DDR2: variants seen among roughly 807,000 people sequenced by gnomAD.
DDR2 encodes discoidin domain receptor tyrosine kinase 2.
DDR2 carries 27 observed loss-of-function variants against 94.9 expected under a neutral mutation model. The ratio of observed to expected loss-of-function variants is 0.28; its 90% CI spans 0.21 to 0.39. The LOEUF (loss-of-function observed/expected upper bound fraction) is 0.39. Among genes scored for constraint, DDR2 ranks in the 10% least tolerant of loss-of-function variants. The probability of loss-of-function intolerance (pLI) is 1.00; values close to 1 mark genes in which losing one functional copy is unlikely to be tolerated. For synonymous variants in DDR2, 382 were observed against 377.2 expected, an observed-to-expected ratio of 1.01 and a Z score of -0.15; for missense variants, 783 against 1,076.0, an observed-to-expected ratio of 0.73 and a Z score of 3.81.
intron 14 of DDR2, among the ~76,000 whole-genome samples, chr1:162,774,132 C>T (rs1647392211): frequency 6.6e-6 from 1 of 152,170 alleles, no homozygotes; most frequent in Admixed American, 6.5e-5. Context: ...CAAAAGGATC[C>T]ACAGTTCTCT....
At position 162,654,346 on chromosome 1, in the gene DDR2, C is replaced by T. The variant is rs185831887; in HGVS notation, c.-191-865C>T. Among the ~76,000 whole-genome samples, 10 of 151,760 alleles carry T rather than the reference C, an allele frequency of 6.6e-5. No homozygotes were observed. The East Asian group carries it at 1.4e-3, about 21-fold the overall frequency. ...CTGTAGTCCTAGCTACTTAAAAGGC[C>T]GAGGCAAAAGGATCACTTGAGCCTG... On this transcript the variant is annotated intron_variant, in intron 1 of 17. Coordinates refer to ENST00000367921, the MANE Select transcript of DDR2 (RefSeq NM_006182.4).
chr1:162,710,022 G>A lies in DDR2; in HGVS notation c.-27-9015G>A, dbSNP rs111286474. ...GTACAGTACAGACAGGAAACTAGGT[G>A]AATGAAGTAATGCAGTCAATGTTCT... On this transcript the variant is annotated intron_variant, in intron 2 of 17. Transcript: ENST00000367921. Among the ~76,000 whole-genome samples the A allele has an allele frequency of 7.0e-3, 1,061 of 152,310 alleles. 14 individuals carry two copies. Among genetic ancestry groups the A allele is most frequent in the African/African-American group, 0.024 (1,018 of 41,566 alleles).
At chr1:162,712,613 A>C (rs572995983) in intron 2 of DDR2, among the ~76,000 whole-genome samples, 1 of 152,218 alleles carries the variant, frequency 6.6e-6, no homozygotes, top group South Asian at 2.1e-4. Flanking sequence ...AGATCTGGGA[A>C]GTCCTGAGCC....
At chr1:162,649,014 G>C (rs555686051) in intron 1 of DDR2, among the ~76,000 whole-genome samples, 16 of 152,114 alleles carry the variant, frequency 1.1e-4, no homozygotes, top group African/African-American at 3.9e-4. Context: ...TTATCCCATA[G>C]TGAGGACCAC....
chr1:162,634,716 T>C (rs1440985086), intron 1 of DDR2, among the ~76,000 whole-genome samples: 3 of 152,228 alleles, frequency 2.0e-5, no homozygotes, highest in African/African-American at 2.4e-5. Flanking sequence ...ATATGATTCC[T>C]TGCCCAAAGC....
intron 1 of DDR2, among the ~76,000 whole-genome samples, 156 bp downstream of exon 1, chr1:162,632,787 A>G (rs898102182): frequency 5.5e-4 from 84 of 152,196 alleles, no homozygotes; most frequent in Non-Finnish European, 2.2e-4. Context: ...GGCACCACAG[A>G]CTCGAGAAAT....
intron 9 of DDR2, among the ~76,000 whole-genome samples, chr1:162,764,905 T>A (rs1663920614): frequency 6.6e-6 from 1 of 151,436 alleles, no homozygotes; most frequent in East Asian, 1.9e-4. Flanking sequence ...GGGAAAAAAA[T>A]TTCAAGATGG....
chr1:162,758,963 A>C (rs1663586888), intron 7 of DDR2, among the ~76,000 whole-genome samples: 1 of 152,154 alleles, frequency 6.6e-6, no homozygotes, highest in Admixed American at 6.5e-5. Flanking sequence ...TTCTCTAAGT[A>C]GTCAAATAAG....
rs1453281275 is a variant in DDR2, at chr1:162,787,166, T to C, written c.*6920T>C. On this transcript the variant is annotated 3_prime_UTR_variant, in exon 18 of 18. Coordinates refer to ENST00000367921, the MANE Select transcript of DDR2 (RefSeq NM_006182.4). ...ATTTTTCAGCATGGGGTATGGTAGA[T>C]AAATCACAGGGCCAAGGTTTGGCAG... is the stretch of plus-strand genomic sequence containing the variant. The C allele has an allele frequency of 6.6e-6, 1 of 152,166 alleles. No individual in the cohort carries two copies. The highest frequency in any genetic ancestry group is 2.4e-5 in the African/African-American group (1 of 41,432). 9.4% of individuals were successfully genotyped at this position (152,166 alleles called of 1,614,324 possible).
chr1:162,691,645 T>C (rs1272171045), intron 2 of DDR2, among the ~76,000 whole-genome samples: 2 of 152,226 alleles, frequency 1.3e-5, no homozygotes, highest in African/African-American at 4.8e-5. Context: ...TACCCTGATT[T>C]GTACCTTTTG....
At chr1:162,659,122 T>C (rs1317594927) in intron 2 of DDR2, among the ~76,000 whole-genome samples, 2 of 152,186 alleles carry the variant, frequency 1.3e-5, no homozygotes, top group Non-Finnish European at 2.9e-5. Context: ...TGGAAGTATT[T>C]TGAAGGGATA....
intron 2 of DDR2, among the ~76,000 whole-genome samples, chr1:162,672,988 A>G (rs575196860): frequency 6.6e-6 from 1 of 152,322 alleles, no homozygotes; most frequent in East Asian, 1.9e-4. Context: ...ACAGAGTATA[A>G]TTAAGATTTT....
chr1:162,693,161 G>A (rs1660032702), intron 2 of DDR2, among the ~76,000 whole-genome samples: 1 of 152,156 alleles, frequency 6.6e-6, no homozygotes, highest in African/African-American at 2.4e-5. Flanking sequence ...ATACCTTTGG[G>A]GAAGAGCAAG....
intron 2 of DDR2, among the ~76,000 whole-genome samples, chr1:162,716,117 G>A (rs10494375): frequency 0.79 from 119,878 of 152,134 alleles, 48,776 homozygotes; most frequent in Non-Finnish European, 0.9. Context: ...GAAGGATCCA[G>A]TAGAGTTAAA....
intron 7 of DDR2, among the ~76,000 whole-genome samples, 198 bp from the exon 8 acceptor site, chr1:162,759,598 A>T (rs373419159): frequency 5.3e-5 from 8 of 152,350 alleles, no homozygotes; most frequent in African/African-American, 1.9e-4. Context: ...TACTAATATG[A>T]AATTCTTAGT....
intron 3 of DDR2, among the ~76,000 whole-genome samples, chr1:162,727,265 T>C (rs1661724828): frequency 1.8e-5 from 1 of 55,374 alleles, no homozygotes; most frequent in Non-Finnish European, 5.4e-5. Context: ...ATTTTGTAAA[T>C]ATAAATATAA....
In DDR2 at chr1:162,776,267, C is replaced by G. The variant is rs765174181; in HGVS notation, c.2180C>G (p.Ala727Gly). 19 of 1,613,874 alleles carry G rather than the reference C, an allele frequency of 1.2e-5. No individual in the cohort carries two copies. The highest frequency in any genetic ancestry group is 1.5e-5 in the Non-Finnish European group (18 of 1,179,958). ...GGTAAGAACTACACAATCAAGATAGCTGACTTTGGAATGAGCAGGAACCTG... is the reference window on the plus strand; with the variant it reads ...GGTAAGAACTACACAATCAAGATAGGTGACTTTGGAATGAGCAGGAACCTG... ...LVGKNYTIKI[A>G]DFGMSRNLYS... Residue 727 changes from alanine to glycine, a missense_variant, in exon 16 of 18, where the codon GCT becomes GGT. Ala to Gly is a moderately conservative substitution (Grantham distance 60, BLOSUM62 0). This residue lies in a region of DDR2 where 264 missense variants were observed against 428.2 expected (regional missense o/e 0.62). Coordinates refer to ENST00000367921, the MANE Select transcript of DDR2 (RefSeq NM_006182.4).
intron 6 of DDR2, 109 bp from the exon 7 acceptor site, chr1:162,755,555 G>T (rs1003953931): frequency 8.7e-7 from 1 of 1,152,458 alleles, no homozygotes; most frequent in African/African-American, 1.5e-5. Flanking sequence ...GTGTCCAGAT[G>T]GAGTCCTGCT....
At chr1:162,728,944 C>G (rs1661859440) in intron 3 of DDR2, among the ~76,000 whole-genome samples, 1 of 151,944 alleles carries the variant, frequency 6.6e-6, no homozygotes, top group African/African-American at 2.4e-5. Context: ...ATAAACTTTG[C>G]TCTCTGAACT....
Sources: gnomAD v4.1 joint callset for allele counts (sites outside exome capture counted in the v4.1 genomes callset) on GRCh38, gnomAD v4.1.1 for gene constraint, gnomAD v4.1.1 regional missense constraint, MANE v1.5 for transcripts, NCBI Gene and HGNC (gene_info 2026-07-23, HGNC 2026-07-21) for gene names.